SHCBP1: variants seen among roughly 807,000 people sequenced by gnomAD.
The protein encoded by SHCBP1 is SHC SH2 domain-binding protein 1.
In SHCBP1, 60 loss-of-function variants were observed where a neutral mutation model predicts 75.1. That is an observed-to-expected ratio of 0.80 (90% CI 0.65 to 0.99). The LOEUF is 0.99. SHCBP1 is among the 50% of genes least tolerant of loss of function. The probability of loss-of-function intolerance (pLI) is 0.00; values close to 1 mark genes in which losing one functional copy is unlikely to be tolerated. For synonymous variants in SHCBP1, 290 were observed against 293.2 expected, an observed-to-expected ratio of 0.99 and a Z score of 0.11; for missense variants, 709 against 809.4, an observed-to-expected ratio of 0.88 and a Z score of 1.50.
At chr16:46,604,731 A>G (rs1965299413) in intron 5 of SHCBP1, among the ~76,000 whole-genome samples, 1 of 152,204 alleles carries the variant, frequency 6.6e-6, no homozygotes, top group Non-Finnish European at 1.5e-5. Flanking sequence ...TGTGCTTTAG[A>G]AACACTGAAA....
Position 46,604,116 on chromosome 16 carries a change from A to C in SHCBP1, c.951T>G (p.Ser317=). The C allele has an allele frequency of 6.2e-7, 1 of 1,614,198 alleles. No individual in the cohort carries two copies. The highest frequency in any genetic ancestry group is 2.2e-5 in the East Asian group (1 of 44,892). Residue 317 remains serine (S), a synonymous_variant, in exon 7 of 13, where the codon TCT becomes TCG. Transcript: ENST00000303383. The part of the protein sequence containing the change: ...LRYVFGYQKN[S]NIQAKGVRSS... ...AACGGACACCCTTTGCTTGGATGTTAGAATTCTTCTGATAACCAAACACAT... is the reference window on the plus strand; with the variant it reads ...AACGGACACCCTTTGCTTGGATGTTCGAATTCTTCTGATAACCAAACACAT...
At chr16:46,619,303 G>A (rs1188103790) in intron 1 of SHCBP1, among the ~76,000 whole-genome samples, 3 of 152,198 alleles carry the variant, frequency 2.0e-5, no homozygotes, top group Non-Finnish European at 4.4e-5. Context: ...TCCAGAAGTG[G>A]TTTCAGGGAA....
chr16:46,609,818 TACA>T (rs1023605392), intron 4 of SHCBP1, among the ~76,000 whole-genome samples: 4 of 152,050 alleles, frequency 2.6e-5, no homozygotes, highest in African/African-American at 9.7e-5. Flanking sequence ...CCTAAACATA[TACA>T]ACAACAGAGA....
chr16:46,605,713 A>G lies in SHCBP1; in HGVS notation c.690-1252T>C, dbSNP rs141400068. Among the ~76,000 whole-genome samples, 893 of 152,310 alleles carry G rather than the reference A, an allele frequency of 5.9e-3. 6 individuals carry two copies. Among genetic ancestry groups the G allele is most frequent in the Non-Finnish European group, 9.2e-3 (626 of 68,026 alleles). On this transcript the variant is annotated intron_variant, in intron 5 of 12. Transcript: ENST00000303383. ...CTGGGGATGCTAATGTGTAGCCAAG[A>G]GTGAGAACGATTGCCTTAAATGATG... is the stretch of plus-strand genomic sequence containing the variant.
intron 1 of SHCBP1, 40 bp downstream of exon 1, chr16:46,621,217 G>T: frequency 6.4e-7 from 1 of 1,573,770 alleles, no homozygotes; most frequent in Non-Finnish European, 8.6e-7. Flanking sequence ...CCAGGCCTCC[G>T]CTCAGAGGCG....
At position 46,586,854 on chromosome 16, in the gene SHCBP1, A is replaced by G. The variant is rs117829302; in HGVS notation, c.1465-2765T>C. ...CCAGAATCCTATAACCAGTGAAAAT[A>G]TTCTTCAGGAATGAGGAGGAAATCA... On this transcript the variant is annotated intron_variant, in intron 10 of 12. Transcript: ENST00000303383. Among the ~76,000 whole-genome samples the G allele has an allele frequency of 7.7e-3, 1,166 of 152,310 alleles. 7 individuals are homozygous for G. Among genetic ancestry groups the G allele is most frequent in the Middle Eastern group, 0.024 (7 of 294 alleles).
chr16:46,591,489 A>G (rs886792420), intron 10 of SHCBP1, among the ~76,000 whole-genome samples: 4 of 152,192 alleles, frequency 2.6e-5, no homozygotes, highest in African/African-American at 7.2e-5. Context: ...GTGAGCATAC[A>G]CCAAACAGAA....
intron 4 of SHCBP1, among the ~76,000 whole-genome samples, chr16:46,613,722 C>T (rs190717726): frequency 1.3e-5 from 2 of 152,200 alleles, no homozygotes; most frequent in African/African-American, 4.8e-5. Context: ...GACATCTGTG[C>T]GTGATTATTT....
At chr16:46,606,429 C>T (rs1235341048) in intron 5 of SHCBP1, among the ~76,000 whole-genome samples, 1 of 152,194 alleles carries the variant, frequency 6.6e-6, no homozygotes, top group African/African-American at 2.4e-5. Context: ...TGCAAAACTA[C>T]ACACGATTCC....
At chr16:46,608,414 A>G (rs186594524) in intron 4 of SHCBP1, 25 bp from the exon 5 acceptor site, 434 of 1,490,414 alleles carry the variant, frequency 2.9e-4, no homozygotes, top group Admixed American at 2.1e-3. Flanking sequence ...AGTATCATTC[A>G]AATTCTATCA....
chr16:46,604,383 C>T lies in SHCBP1; in HGVS notation c.768G>A (p.Glu256=), dbSNP rs768291611. The T allele has an allele frequency of 6.2e-7, 1 of 1,614,164 alleles. No homozygotes were observed. The highest frequency in any genetic ancestry group is 8.5e-7 in the Non-Finnish European group (1 of 1,180,016). Residue 256 remains glutamate, a synonymous_variant, in exon 6 of 13, where the codon GAG becomes GAA. Transcript: ENST00000303383. ...DYHNLLSQCE[E]SYRKFLNLRS... ...TCAGATTTAAAAATTTCCTGTAACT[C>T]TCCTCACATTGAGACAACAGATTGT...
rs1965356661 is a variant in SHCBP1 at position 46,608,403 on chromosome 16, T to A, written c.597-14A>T. ...TGGTAGAAAAATCTGAAATGGAACT[T>A]AGTATCATTCAAATTCTATCACTGG... is the stretch of plus-strand genomic sequence containing the variant. On this transcript the variant is annotated splice_polypyrimidine_tract_variant and intron_variant, in intron 4 of 12. Coordinates refer to ENST00000303383, the MANE Select transcript of SHCBP1 (RefSeq NM_024745.5). 2 of 1,563,256 alleles carry A rather than the reference T, an allele frequency of 1.3e-6. No homozygotes were observed. The highest frequency in any genetic ancestry group is 1.3e-5 in the African/African-American group (1 of 74,140).
intron 5 of SHCBP1, among the ~76,000 whole-genome samples, chr16:46,605,870 T>C (rs918723795): frequency 6.6e-6 from 1 of 152,082 alleles, no homozygotes; most frequent in African/African-American, 2.4e-5. Flanking sequence ...AAAGAAACTT[T>C]TCCCGCTTTT....
At chr16:46,601,824 TTAAAACA>T (rs1965241634) in intron 8 of SHCBP1, among the ~76,000 whole-genome samples, 1 of 152,200 alleles carries the variant, frequency 6.6e-6, no homozygotes, top group African/African-American at 2.4e-5. Context: ...TTCTTTCCAC[TTAAAACA>T]TAAAACCATT....
In SHCBP1 at chr16:46,596,050, T is replaced by C. The variant is rs1400991888; in HGVS notation, c.1346-380A>G. ...TGTGGAGATAACTTCAGTCTAGTGC[T>C]ACCTTGAATACAGAGAAAACAGACC... On this transcript the variant is annotated intron_variant, in intron 9 of 12. Transcript: ENST00000303383. Among the ~76,000 whole-genome samples the C allele has an allele frequency of 2.0e-5, 3 of 152,214 alleles. No homozygotes were observed. In the South Asian group the frequency reaches 6.2e-4, roughly 32 times the overall value.
Position 46,595,614 on chromosome 16 carries a change from C to CG in SHCBP1, c.1401dup (p.Gly468ArgfsTer37). On this transcript the variant is annotated frameshift_variant, in exon 10 of 13. Transcript: ENST00000303383. LOFTEE classifies it high-confidence loss of function. ...TCTGCTGATGTCCGCACTGTGACTC[C>CG]GGTCGTCTCACACTGCAGCACACAG... 6.2e-7 allele frequency: 1 copy of CG among 1,614,140 alleles called. No individual in the cohort carries two copies. The highest frequency in any genetic ancestry group is 8.5e-7 in the Non-Finnish European group (1 of 1,180,022).
chr16:46,580,032 G>A lies in SHCBP1; in HGVS notation c.*1697C>T, dbSNP rs1964846880. Among the ~76,000 whole-genome samples, 1 of 151,142 alleles carries A rather than the reference G, an allele frequency of 6.6e-6. No individual in the cohort carries two copies. The highest frequency in any genetic ancestry group is 2.4e-5 in the African/African-American group (1 of 41,056). On this transcript the variant is annotated 3_prime_UTR_variant, in exon 13 of 13. Transcript: ENST00000303383. ...CCCAGCTACTCAGGCGACTGAGGCAGGAGAATTGCTTGAATTCAGGAGGTG... is the reference window on the plus strand; with the variant it reads ...CCCAGCTACTCAGGCGACTGAGGCAAGAGAATTGCTTGAATTCAGGAGGTG...
At chr16:46,618,176 CA>C (rs749741669) in intron 2 of SHCBP1, 28 bp downstream of exon 2, 41,407 of 979,802 alleles carry the variant, frequency 0.042, no homozygotes, top group South Asian at 0.084. Context: ...AACTCCATCT[CA>C]AAAAAAAAAA....
chr16:46,603,753 G>A lies in SHCBP1; in HGVS notation c.1093-94C>T, dbSNP rs1252540506. 3.9e-6 allele frequency: 6 copies of A among 1,526,348 alleles called. No homozygotes were observed. The African/African-American group carries it at 6.9e-5, about 18-fold the overall frequency. 94.6% of individuals were successfully genotyped at this position (1,526,348 alleles called of 1,614,324 possible). A position where few individuals can be genotyped will look rare whatever the true frequency, so the allele number is the denominator to read the frequency against. ...TGACTTCATGTCTTACTTTGAAAAT[G>A]GAAGCCAAAAACTGCATATTGAAGC... On this transcript the variant is annotated intron_variant, in intron 7 of 12. Transcript: ENST00000303383.
Sources: allele counts gnomAD v4.1 joint callset (sites outside exome capture counted in the v4.1 genomes callset), GRCh38; gene constraint gnomAD v4.1.1; transcripts MANE v1.5; gene names NCBI Gene and HGNC (gene_info 2026-07-23, HGNC 2026-07-21).